JPH1: variants seen among roughly 807,000 people sequenced by gnomAD.
The protein encoded by JPH1 is junctophilin 1.
A neutral mutation model predicts 53.6 loss-of-function variants in JPH1; 12 were observed. The observed-to-expected ratio is 0.22, with a 90% CI of 0.14 to 0.36. JPH1 has a LOEUF of 0.36. Among genes scored for constraint, JPH1 ranks in the 10% least tolerant of loss-of-function variants. JPH1 has a pLI of 1.00. For missense variants in JPH1, 808 were observed against 905.5 expected (o/e 0.89, Z 1.38); for synonymous variants, 375 against 363.8 (o/e 1.03, Z -0.35).
At chr8:74,263,217 A>G (rs982680335) in intron 2 of JPH1, among the ~76,000 whole-genome samples, 2 of 152,332 alleles carry the variant, frequency 1.3e-5, no homozygotes, top group African/African-American at 4.8e-5. Flanking sequence ...AGAATGGAGA[A>G]CAAGTCTGCT....
intron 2 of JPH1, among the ~76,000 whole-genome samples, chr8:74,300,976 C>T (rs573728519): frequency 1.2e-4 from 19 of 152,256 alleles, no homozygotes. Flanking sequence ...GGGAATGAAT[C>T]ACTACATTTT....
At chr8:74,242,668 A>G (rs1292857934) in intron 4 of JPH1, among the ~76,000 whole-genome samples, 3 of 152,334 alleles carry the variant, frequency 2.0e-5, no homozygotes, top group South Asian at 2.1e-4. Flanking sequence ...TGGGAAGACA[A>G]TGTTAATTAT....
At chr8:74,252,606 G>A (rs1239476067) in intron 3 of JPH1, among the ~76,000 whole-genome samples, 1 of 152,070 alleles carries the variant, frequency 6.6e-6, no homozygotes, top group African/African-American at 2.4e-5. Flanking sequence ...TGGCAAATTG[G>A]ATAAAGAGTC....
At chr8:74,261,440 C>T (rs1350850183) in intron 2 of JPH1, among the ~76,000 whole-genome samples, 2 of 152,164 alleles carry the variant, frequency 1.3e-5, no homozygotes, top group Admixed American at 1.3e-4. Flanking sequence ...AGTGGATCAA[C>T]TTCGAATCAT....
At chr8:74,296,426 T>A (rs915815872) in intron 2 of JPH1, among the ~76,000 whole-genome samples, 1 of 152,198 alleles carries the variant, frequency 6.6e-6, no homozygotes, top group Non-Finnish European at 1.5e-5. Flanking sequence ...TTGGGAAAAA[T>A]ATTTTATAGC....
At chr8:74,256,213 T>G (rs920829569) in intron 3 of JPH1, among the ~76,000 whole-genome samples, 2 of 152,046 alleles carry the variant, frequency 1.3e-5, no homozygotes, top group Non-Finnish European at 2.9e-5. Flanking sequence ...TATGCAGCCA[T>G]AAAAAATGAT....
intron 4 of JPH1, among the ~76,000 whole-genome samples, chr8:74,241,762 G>A (rs1408232363): frequency 1.3e-5 from 2 of 152,060 alleles, no homozygotes; most frequent in Non-Finnish European, 2.9e-5. Flanking sequence ...TGATGGGGAC[G>A]CTTTAAATTT....
intron 4 of JPH1, among the ~76,000 whole-genome samples, chr8:74,243,758 T>A (rs185547851): frequency 6.6e-6 from 1 of 152,248 alleles, no homozygotes. Context: ...ACTAATTCCA[T>A]ACATTATTCA....
Position 74,245,142 on chromosome 8 carries a change from C to A in JPH1, c.1292G>T (p.Gly431Val). ...PDYVKQRFQE[G>V]VDAKENPEEK... ...TTCTGGATTTTCTTTAGCATCTACA[C>A]CTTCCTGAAATCTCTGTTTGACGTA... Residue 431 changes from glycine to valine, a missense_variant, in exon 4 of 6, where the codon GGT (glycine) becomes GTT (valine). Transcript: ENST00000342232. The A allele has an allele frequency of 6.2e-7, 1 of 1,603,090 alleles. No homozygotes were observed. The highest frequency in any genetic ancestry group is 8.5e-7 in the Non-Finnish European group (1 of 1,177,710).
In JPH1 at chr8:74,321,367, T is replaced by C; in HGVS notation, c.-80A>G. 1 of 1,345,144 alleles carries C rather than the reference T, an allele frequency of 7.4e-7. No individual in the cohort carries two copies. The highest frequency in any genetic ancestry group is 9.6e-7 in the Non-Finnish European group (1 of 1,040,058). 83.3% of individuals were successfully genotyped at this position (1,345,144 alleles called of 1,614,324 possible). On this transcript the variant is annotated 5_prime_UTR_variant, in exon 1 of 6. Coordinates refer to ENST00000342232, the MANE Select transcript of JPH1 (RefSeq NM_020647.4). The surrounding 1 kb of genome is among the most constrained non-coding windows in gnomAD (Gnocchi z 4.3). ...GGCACGGCAGGGTGTAGCTCGGGGG[T>C]GGGGGCCCGGCGGGCGAGCTCACGA...
intron 2 of JPH1, among the ~76,000 whole-genome samples, chr8:74,267,727 C>T (rs1806575266): frequency 6.6e-6 from 1 of 152,000 alleles, no homozygotes; most frequent in Admixed American, 6.6e-5. Flanking sequence ...TGGATAGTAA[C>T]CAGAAGGATT....
chr8:74,260,414 C>G (rs1226963186), intron 2 of JPH1, among the ~76,000 whole-genome samples: 1 of 152,132 alleles, frequency 6.6e-6, no homozygotes, highest in Admixed American at 6.5e-5. Flanking sequence ...GAAAAAAACT[C>G]TGGTTTATCT....
At chr8:74,312,613 T>C (rs919056241) in intron 2 of JPH1, among the ~76,000 whole-genome samples, 4 of 152,212 alleles carry the variant, frequency 2.6e-5, no homozygotes, top group African/African-American at 9.7e-5. Context: ...GTAGTGCAGA[T>C]CTATAGAATG....
intron 1 of JPH1, among the ~76,000 whole-genome samples, chr8:74,319,029 C>T (rs545743638): frequency 6.6e-6 from 1 of 151,994 alleles, no homozygotes; most frequent in East Asian, 1.9e-4. Flanking sequence ...ACCACAGTAC[C>T]ACCCAGGATG....
At chr8:74,314,782 G>A (rs1808091176) in intron 2 of JPH1, 79 bp downstream of exon 2, 2 of 1,484,526 alleles carry the variant, frequency 1.3e-6, no homozygotes, top group African/African-American at 1.4e-5. Flanking sequence ...CGATGTCACT[G>A]GCAGATAGAC....
chr8:74,321,111 G>A lies in JPH1; in HGVS notation c.177C>T (p.Thr59=), dbSNP rs1243606606. ...TGCCCTGCGCCCAGTAGCCCTGGTA[G>A]GTGTTGCCGCTGGGCCAGGTGTAGC... ...VGGYTWPSGN[T]YQGYWAQGKR... is the part of the protein sequence containing the mutation. The change falls in exon 1 of 6, where the codon ACC becomes ACT. Residue 59 remains threonine, a synonymous_variant. Transcript: ENST00000342232. The surrounding 1 kb of genome is among the most constrained non-coding windows in gnomAD (Gnocchi z 4.3). 1.3e-5 allele frequency: 21 copies of A among 1,613,532 alleles called. No homozygotes were observed. Among genetic ancestry groups the A allele is most frequent in the Non-Finnish European group, 1.8e-5 (21 of 1,179,830 alleles).
intron 4 of JPH1, among the ~76,000 whole-genome samples, chr8:74,238,947 A>G (rs1805618150): frequency 6.6e-6 from 1 of 152,156 alleles, no homozygotes; most frequent in South Asian, 2.1e-4. Flanking sequence ...CGTGTACCAC[A>G]GTGCCTGACC....
chr8:74,303,489 G>T (rs1196084811), intron 2 of JPH1, among the ~76,000 whole-genome samples: 2 of 152,146 alleles, frequency 1.3e-5, no homozygotes, highest in Non-Finnish European at 2.9e-5. Flanking sequence ...GAATCTGCTT[G>T]GGAGGCTCTC....
At chr8:74,281,045 G>T (rs16938849) in intron 2 of JPH1, among the ~76,000 whole-genome samples, 1 of 152,056 alleles carries the variant, frequency 6.6e-6, no homozygotes, top group African/African-American at 2.4e-5. Context: ...TCTTTCCTCC[G>T]CGTGGTTCTG....
Sources: allele counts gnomAD v4.1 joint callset (sites outside exome capture counted in the v4.1 genomes callset), GRCh38; gene constraint gnomAD v4.1.1; non-coding constraint Gnocchi (gnomAD v3.1); transcripts MANE v1.5; gene names NCBI Gene and HGNC (gene_info 2026-07-23, HGNC 2026-07-21).